The following KCNQ1 variants were observed in gnomAD, a reference collection of about 807,000 sequenced individuals.
The protein encoded by KCNQ1 is potassium voltage-gated channel subfamily Q member 1, also known as potassium voltage-gated channel subfamily KQT member 1.
In KCNQ1, 49 loss-of-function variants were observed where a neutral mutation model predicts 72.4. The ratio of observed to expected loss-of-function variants is 0.68; its 90% CI spans 0.54 to 0.86. The LOEUF is 0.86. Ranked by LOEUF, KCNQ1 falls within the 40% of genes least tolerant of loss-of-function variation. The pLI is 0.00. For missense variants in KCNQ1, 790 were observed against 945.1 expected (o/e 0.84, Z 2.15); for synonymous variants, 450 against 412.6 (o/e 1.09, Z -1.10).
chr11:2,514,971 C>G (rs993946607), intron 1 of KCNQ1, among the ~76,000 whole-genome samples: 1 of 152,206 alleles, frequency 6.6e-6, no homozygotes, highest in Non-Finnish European at 1.5e-5. Context: ...GCACCTCGCC[C>G]CCTTCCCGAG....
In KCNQ1 at chr11:2,827,457, C is replaced by G. The variant is rs1368355586; in HGVS notation, c.1795-20310C>G. The stretch of plus-strand genomic sequence containing the variant: ...GGAGGGAGGTAAAAGACATGAAGGA[C>G]AGGCCCCACTCCTGTAAAACCCTAC... On this transcript the variant is annotated intron_variant, in intron 15 of 15. Coordinates refer to ENST00000155840, the MANE Select transcript of KCNQ1 (RefSeq NM_000218.3). The surrounding 1 kb of genome is among the most constrained non-coding windows in gnomAD (Gnocchi z 6.7). Among the ~76,000 whole-genome samples, 1 of 152,126 alleles carries G rather than the reference C, an allele frequency of 6.6e-6. No individual in the cohort carries two copies.
chr11:2,749,295 T>C (rs1476316550), intron 11 of KCNQ1, among the ~76,000 whole-genome samples: 3 of 151,416 alleles, frequency 2.0e-5, no homozygotes, highest in Non-Finnish European at 1.5e-5. Context: ...TTGGGAGACC[T>C]AGAAATCGAG....
intron 11 of KCNQ1, among the ~76,000 whole-genome samples, chr11:2,714,362 C>T (rs1241135036): frequency 6.6e-6 from 1 of 152,094 alleles, no homozygotes; most frequent in Non-Finnish European, 1.5e-5. Flanking sequence ...GGGCCACAGG[C>T]TCTGGTACTC....
rs890931432 is a variant in KCNQ1 at position 2,691,734 on chromosome 11, C to T, written c.1514+29653C>T. 10 of 398,572 alleles carry T rather than the reference C, an allele frequency of 2.5e-5. No individual in the cohort carries two copies. The highest frequency in any genetic ancestry group is 1.9e-4 in the African/African-American group (9 of 48,618). The allele number at this position is 398,572 out of a possible 1,614,324, so 24.7% of individuals were successfully genotyped here. ...GAGAGGCAGCCCACAGGGAGCCACACAGGCAGGGGACATTCCACTAGGGCC... is the reference window on the plus strand; with the variant it reads ...GAGAGGCAGCCCACAGGGAGCCACATAGGCAGGGGACATTCCACTAGGGCC... On this transcript the variant is annotated intron_variant, in intron 11 of 15. Coordinates refer to ENST00000155840, the MANE Select transcript of KCNQ1 (RefSeq NM_000218.3). The surrounding 1 kb of genome is among the most constrained non-coding windows in gnomAD (Gnocchi z 6.4).
intron 1 of KCNQ1, among the ~76,000 whole-genome samples, chr11:2,517,198 G>T (rs150691281): frequency 3.3e-5 from 5 of 152,152 alleles, no homozygotes; most frequent in African/African-American, 1.2e-4. Context: ...CAGGAGCCCC[G>T]TGCGCAGCTG....
chr11:2,768,975 G>C lies in KCNQ1; in HGVS notation c.1590+56G>C, dbSNP rs1450660724. 1 of 1,390,834 alleles carries C rather than the reference G, an allele frequency of 7.2e-7. No homozygotes were observed. Among genetic ancestry groups the C allele is most frequent in the East Asian group, 2.3e-5 (1 of 43,778 alleles). The allele number at this position is 1,390,834 out of a possible 1,614,324, so 86.2% of individuals were successfully genotyped here. A position where few individuals can be genotyped will look rare whatever the true frequency, so the allele number is the denominator to read the frequency against. On this transcript the variant is annotated intron_variant, in intron 12 of 15. Transcript: ENST00000155840. The surrounding 1 kb of genome is among the most constrained non-coding windows in gnomAD (Gnocchi z 6.7). Reference sequence around the variant, plus strand: ...AGCCTGCCCCTCGCAGCCTGATGCAGCTGCCCACACCTCTCCTGGGTTCTC... The same window carrying C: ...AGCCTGCCCCTCGCAGCCTGATGCACCTGCCCACACCTCTCCTGGGTTCTC...
At chr11:2,847,400 C>T (rs1011597902) in intron 15 of KCNQ1, among the ~76,000 whole-genome samples, 4 of 152,214 alleles carry the variant, frequency 2.6e-5, no homozygotes, top group African/African-American at 7.2e-5. Context: ...ATTTCAGGTC[C>T]GGGTCCCTGG....
In KCNQ1 at chr11:2,654,062, C is replaced by T. The variant is rs1171200667; in HGVS notation, c.1394-7899C>T. 7.5e-6 allele frequency: 3 copies of T among 398,612 alleles called. No individual in the cohort carries two copies. The Admixed American group carries it at 1.3e-4, about 18-fold the overall frequency. The allele number at this position is 398,612 out of a possible 1,614,324, so 24.7% of individuals were successfully genotyped here. Reference sequence around the variant, plus strand: ...TTCCTGGCAGCTGTTGTGGGAATGGCTTTTACACTTTCCATCCATGTCCCT... The same window carrying T: ...TTCCTGGCAGCTGTTGTGGGAATGGTTTTTACACTTTCCATCCATGTCCCT... On this transcript the variant is annotated intron_variant, in intron 10 of 15. Transcript: ENST00000155840. The surrounding 1 kb of genome is among the most constrained non-coding windows in gnomAD (Gnocchi z 6.4).
At chr11:2,587,057 T>C (rs538996806) in intron 8 of KCNQ1, among the ~76,000 whole-genome samples, 1 of 152,302 alleles carries the variant, frequency 6.6e-6, no homozygotes, top group Non-Finnish European at 1.5e-5. Context: ...CAAGGTGGTA[T>C]AGGCCTCTGG....
At chr11:2,693,243 A>G (rs1850617760) in intron 11 of KCNQ1, 1 of 398,652 alleles carries the variant, frequency 2.5e-6, no homozygotes, top group Non-Finnish European at 4.4e-6. Flanking sequence ...GCCCAGGGCT[A>G]CCTGTACAGC....
In KCNQ1 at chr11:2,601,203, G is replaced by GA. The variant is rs909570513; in HGVS notation, c.1393+12358dup. Reference sequence around the variant, plus strand: ...CACCCCTTCCACGAAAGTACAGAAAGAAAAAAAAATACTGTCCAGTTGGAA... The same window carrying GA: ...CACCCCTTCCACGAAAGTACAGAAAGAAAAAAAAAATACTGTCCAGTTGGAA... On this transcript the variant is annotated intron_variant, in intron 10 of 15. Coordinates refer to ENST00000155840, the MANE Select transcript of KCNQ1 (RefSeq NM_000218.3). The surrounding 1 kb of genome is among the most constrained non-coding windows in gnomAD (Gnocchi z 5.2). Among the ~76,000 whole-genome samples, 35 of 150,576 alleles carry GA rather than the reference G, an allele frequency of 2.3e-4. 1 individual carries two copies. The highest frequency in any genetic ancestry group is 7.4e-5 in the Non-Finnish European group (5 of 67,650).
Position 2,654,052 on chromosome 11 carries a change from G to A in KCNQ1, c.1394-7909G>A, listed in dbSNP as rs1849798512. On this transcript the variant is annotated intron_variant, in intron 10 of 15. Coordinates refer to ENST00000155840, the MANE Select transcript of KCNQ1 (RefSeq NM_000218.3). The surrounding 1 kb of genome is among the most constrained non-coding windows in gnomAD (Gnocchi z 6.4). ...CCTCGCCTTGTTCCTGGCAGCTGTT[G>A]TGGGAATGGCTTTTACACTTTCCAT... The A allele has an allele frequency of 1.3e-5, 5 of 398,752 alleles. No homozygotes were observed. In the East Asian group the frequency reaches 1.8e-4, roughly 14 times the overall value. 24.7% of individuals were successfully genotyped at this position (398,752 alleles called of 1,614,324 possible).
intron 15 of KCNQ1, among the ~76,000 whole-genome samples, chr11:2,796,575 A>G (rs557141975): frequency 8.5e-4 from 129 of 152,308 alleles, no homozygotes; most frequent in Non-Finnish European, 1.5e-3. Flanking sequence ...CTCCATGGGG[A>G]AGGAAAACGT....
intron 11 of KCNQ1, chr11:2,684,931 C>G (rs975247200): frequency 2.5e-6 from 1 of 398,562 alleles, no homozygotes; most frequent in African/African-American, 2.1e-5. Context: ...CTGATCCATG[C>G]AGCATGTTAT....
chr11:2,745,459 G>C lies in KCNQ1; in HGVS notation c.1515-23385G>C, dbSNP rs1846123033. ...AAAGAAATGCCATTGATTTGGGGGG[G>C]TTGATCTCACACCTGACAACCATGT... On this transcript the variant is annotated intron_variant, in intron 11 of 15. Coordinates refer to ENST00000155840, the MANE Select transcript of KCNQ1 (RefSeq NM_000218.3). This position sits in a 1 kb window ranked among gnomAD's most constrained non-coding sequence, Gnocchi z 6.2. Among the ~76,000 whole-genome samples the C allele has an allele frequency of 6.6e-6, 1 of 152,144 alleles. No individual in the cohort carries two copies. Among genetic ancestry groups the C allele is most frequent in the African/African-American group, 2.4e-5 (1 of 41,436 alleles).
chr11:2,648,728 G>T (rs558980181), intron 10 of KCNQ1: 1 of 398,454 alleles, frequency 2.5e-6, no homozygotes. Flanking sequence ...GTGTGCTAAC[G>T]AAGCAGCAGT....
intron 15 of KCNQ1, among the ~76,000 whole-genome samples, chr11:2,795,790 G>C (rs1273485069): frequency 3.3e-5 from 5 of 152,202 alleles, no homozygotes; most frequent in African/African-American, 1.2e-4. Context: ...GGGTCCATGA[G>C]GAACCCCACG....
intron 11 of KCNQ1, among the ~76,000 whole-genome samples, chr11:2,700,907 T>C (rs1850799871): frequency 6.6e-6 from 1 of 152,148 alleles, no homozygotes; most frequent in African/African-American, 2.4e-5. Context: ...AAAGCCTGGG[T>C]CACAAAAGCC....
In KCNQ1 at chr11:2,748,293, G is replaced by T. The variant is rs1218369703; in HGVS notation, c.1515-20551G>T. Among the ~76,000 whole-genome samples, 1 of 152,098 alleles carries T rather than the reference G, an allele frequency of 6.6e-6. No homozygotes were observed. The highest frequency in any genetic ancestry group is 2.4e-5 in the African/African-American group (1 of 41,420). ...GAAGCTGGCATGCCCCCACCCCCTA[G>T]CTCACCCTGGGTCCACGCAGGGCCT... On this transcript the variant is annotated intron_variant, in intron 11 of 15. Transcript: ENST00000155840. The surrounding 1 kb of genome is among the most constrained non-coding windows in gnomAD (Gnocchi z 6.2).
Sources: allele counts gnomAD v4.1 joint callset (sites outside exome capture counted in the v4.1 genomes callset), GRCh38; gene constraint gnomAD v4.1.1; non-coding constraint Gnocchi (gnomAD v3.1); transcripts MANE v1.5; gene names NCBI Gene and HGNC (gene_info 2026-07-23, HGNC 2026-07-21).